The following LONRF3 variants were observed in gnomAD, a reference collection of about 807,000 sequenced individuals.
The protein encoded by LONRF3 is LON peptidase N-terminal domain and RING finger protein 3.
Under a neutral mutation model 51.7 loss-of-function variants are expected in LONRF3, and 19 were observed. That is an observed-to-expected ratio of 0.37 (90% CI 0.26 to 0.54). LONRF3 has a LOEUF of 0.54. Among genes scored for constraint, LONRF3 ranks in the 20% least tolerant of loss-of-function variants. The pLI is 0.86. For synonymous variants in LONRF3, 265 were observed against 257.8 expected, an observed-to-expected ratio of 1.03 and a Z score of -0.27; for missense variants, 521 against 623.9, an observed-to-expected ratio of 0.84 and a Z score of 1.76.
rs182544340 is a variant in LONRF3 at position 119,015,552 on chromosome X, G to A, written c.2124+1196G>A. On this transcript the variant is annotated intron_variant, in intron 10 of 10. Transcript: ENST00000371628. ...TTCCTGTGACCCAGCTCCTGGCTCTGGGCCACGATGAGTCAGGACTGCAGC... is the reference window on the plus strand; with the variant it reads ...TTCCTGTGACCCAGCTCCTGGCTCTAGGCCACGATGAGTCAGGACTGCAGC... Among the ~76,000 whole-genome samples the A allele has an allele frequency of 6.6e-3, 741 of 111,800 alleles. 6 individuals are homozygous for A. Among genetic ancestry groups the A allele is most frequent in the Non-Finnish European group, 0.01 (552 of 53,139 alleles).
At chrX:118,986,987 C>T (rs267606329) in intron 3 of LONRF3, 1 of 1,152,007 alleles carries the variant, frequency 8.7e-7, no homozygotes, top group East Asian at 3.2e-5. Flanking sequence ...CTCCCGATAT[C>T]CTGAAGCTGT....
intron 5 of LONRF3, among the ~76,000 whole-genome samples, chrX:118,999,559 A>C (rs1249254447): frequency 8.9e-6 from 1 of 111,893 alleles, no homozygotes. Context: ...GAAATCAAAC[A>C]TACAGACTCA....
At chrX:118,975,945 T>C (rs111923979) in intron 1 of LONRF3, among the ~76,000 whole-genome samples, 231 of 112,099 alleles carry the variant, frequency 2.1e-3, no homozygotes, top group African/African-American at 6.9e-3. Context: ...TTTGTCACTG[T>C]TTCTTTCTTT....
At chrX:119,005,226 G>C (rs1924625835) in intron 5 of LONRF3, among the ~76,000 whole-genome samples, 3 of 111,340 alleles carry the variant, frequency 2.7e-5, no homozygotes, top group Non-Finnish European at 5.7e-5. Context: ...GCTCCTCTTG[G>C]TGAGTGCAAG....
intron 5 of LONRF3, among the ~76,000 whole-genome samples, chrX:118,994,489 C>T (rs906047716): frequency 2.7e-5 from 3 of 110,085 alleles, no homozygotes; most frequent in Admixed American, 9.6e-5. Flanking sequence ...CTGCAACATT[C>T]GCCACCGGGT....
chrX:118,978,607 T>C (rs765345286), intron 2 of LONRF3, 144 bp downstream of exon 2: 2 of 422,300 alleles, frequency 4.7e-6, no homozygotes, highest in South Asian at 4.9e-5. Flanking sequence ...TAAAGATCCC[T>C]GGGCAAAGAG....
At chrX:119,004,963 G>A (rs908235892) in intron 5 of LONRF3, among the ~76,000 whole-genome samples, 1 of 112,263 alleles carries the variant, frequency 8.9e-6, no homozygotes, top group Non-Finnish European at 1.9e-5. Flanking sequence ...TTGGCTGTGC[G>A]CACTTAGACA....
At chrX:119,008,136 A>G (rs1387677042) in intron 6 of LONRF3, among the ~76,000 whole-genome samples, 1 of 111,656 alleles carries the variant, frequency 9.0e-6, no homozygotes, top group African/African-American at 3.3e-5. Context: ...AGAGTTCAGG[A>G]CTTGGGGTCT....
chrX:118,980,841 A>G (rs1209905493), intron 2 of LONRF3, among the ~76,000 whole-genome samples: 1 of 111,783 alleles, frequency 8.9e-6, no homozygotes, highest in African/African-American at 3.3e-5. Context: ...GCAGTGAAGC[A>G]TTTTGGATGA....
At position 119,015,003 on chromosome X, in the gene LONRF3, C is replaced by T. The variant is rs1274395199; in HGVS notation, c.2124+647C>T. ...TTGTTAGGTTCTACTGATCAGTGTTCTTCCTGGGGGATAGGCCTATTTGAA... is the reference window on the plus strand; with the variant it reads ...TTGTTAGGTTCTACTGATCAGTGTTTTTCCTGGGGGATAGGCCTATTTGAA... On this transcript the variant is annotated intron_variant, in intron 10 of 10. Transcript: ENST00000371628. 8.0e-5 allele frequency among the ~76,000 whole-genome samples: 9 copies of T among 111,922 alleles called. No homozygotes were observed. In the Admixed American group the frequency reaches 8.5e-4, roughly 11 times the overall value.
intron 5 of LONRF3, among the ~76,000 whole-genome samples, chrX:118,999,145 C>T (rs768468882): frequency 9.0e-6 from 1 of 111,719 alleles, no homozygotes; most frequent in East Asian, 2.8e-4. Context: ...GACCTTCTTT[C>T]TCTTAAAAAA....
At chrX:119,016,350 C>CTTTCTTTT (rs1187001381) in intron 10 of LONRF3, among the ~76,000 whole-genome samples, 2 of 88,495 alleles carry the variant, frequency 2.3e-5, no homozygotes, top group Non-Finnish European at 4.3e-5. Context: ...TTCTTTCTTT[C>CTTTCTTTT]TTTTTTTTTT....
chrX:118,989,662 C>T lies in LONRF3; in HGVS notation c.1314C>T (p.Ala438=), dbSNP rs2030696225. Residue 438 remains alanine, a synonymous_variant, in exon 4 of 11, where the codon GCC becomes GCT. Transcript: ENST00000371628. ...AAGAAACGGGGATGCCTAATAAAGC[C>T]TCCAAGCAAGGTACTGGCTCTACCC... The part of the protein sequence containing the change: ...SQEETGMPNK[A]SKQDPPTDQG... 8.3e-7 allele frequency: 1 copy of T among 1,209,135 alleles called. No homozygotes were observed. Among genetic ancestry groups the T allele is most frequent in the Admixed American group, 2.2e-5 (1 of 45,832 alleles).
intron 5 of LONRF3, among the ~76,000 whole-genome samples, chrX:118,991,400 T>C (rs962519392): frequency 2.4e-4 from 27 of 111,388 alleles, no homozygotes; most frequent in African/African-American, 8.2e-4. Flanking sequence ...CAGACTATTC[T>C]TGGGAAGCCA....
At position 119,011,875 on chromosome X, in the gene LONRF3, C is replaced by G. The variant is rs1362244327; in HGVS notation, c.1713C>G (p.Pro571=). ...TGGCCTATCCCACCGTTCCTTGTCC[C>G]CTGCACATCTTTGAGCCTTGTTACC... The part of the protein sequence containing the change: ...CTMAYPTVPC[P]LHIFEPCYRL... Residue 571 remains proline, a synonymous_variant, in exon 8 of 11, where the codon CCC becomes CCG. Transcript: ENST00000371628. 3 of 1,211,654 alleles carry G rather than the reference C, an allele frequency of 2.5e-6. No individual in the cohort carries two copies. In the South Asian group the frequency reaches 5.3e-5, roughly 21 times the overall value.
Position 119,017,877 on chromosome X carries a change from C to T in LONRF3, c.*187C>T. The T allele has an allele frequency of 2.7e-6, 1 of 364,393 alleles. No homozygotes were observed. The highest frequency in any genetic ancestry group is 4.6e-6 in the Non-Finnish European group (1 of 218,388). The allele number at this position is 364,393 out of a possible 1,213,427, so 30.0% of individuals were successfully genotyped here. A position where few individuals can be genotyped will look rare whatever the true frequency, so the allele number is the denominator to read the frequency against. ...AAGAATGTGACCTATTTGAAACTTT[C>T]TGTCTTAAGATGCTTCTTGACATGC... On this transcript the variant is annotated 3_prime_UTR_variant, in exon 11 of 11. Transcript: ENST00000371628.
rs1922676429 is a variant in LONRF3 at position 118,982,897 on chromosome X, T to C, written c.1013T>C (p.Val338Ala). The C allele has an allele frequency of 1.7e-6, 2 of 1,208,871 alleles. No homozygotes were observed. The highest frequency in any genetic ancestry group is 1.8e-5 in the African/African-American group (1 of 57,070). The change falls in exon 3 of 11, where the codon GTA becomes GCA. Residue 338 changes from valine to alanine, a missense_variant. This residue lies in a region of LONRF3 where 376 missense variants were observed against 376.7 expected (regional missense o/e 1.00). Coordinates refer to ENST00000371628, the MANE Select transcript of LONRF3 (RefSeq NM_001031855.3). ...GCACTAAGGGAGTTTCTCTACTGTG[T>C]ATCCCTTGATGGAAAGAACAAGAGA... ...EEALREFLYCVSLDGKNKRAR... is the reference protein window; with the variant it reads ...EEALREFLYCASLDGKNKRAR...
chrX:119,011,743 C>G, intron 7 of LONRF3, 72 bp from the exon 8 acceptor site: 1 of 1,094,730 alleles, frequency 9.1e-7, no homozygotes, highest in East Asian at 3.0e-5. Context: ...GTATCACATG[C>G]TAACATTTGA....
chrX:119,003,311 G>A (rs1924462926), intron 5 of LONRF3, among the ~76,000 whole-genome samples: 1 of 111,666 alleles, frequency 9.0e-6, no homozygotes, highest in African/African-American at 3.3e-5. Context: ...AGAGGTGCCA[G>A]CCACTGTGCC....
Sources: gnomAD v4.1 joint callset for allele counts (sites outside exome capture counted in the v4.1 genomes callset) on GRCh38, gnomAD v4.1.1 for gene constraint, gnomAD v4.1.1 regional missense constraint, MANE v1.5 for transcripts, NCBI Gene and HGNC (gene_info 2026-07-23, HGNC 2026-07-21) for gene names.